AFDN: variants seen among roughly 807,000 people sequenced by gnomAD.
AFDN encodes afadin, adherens junction formation factor.
Under a neutral mutation model 216.6 loss-of-function variants are expected in AFDN, and 68 were observed. That is an observed-to-expected ratio of 0.31 (90% CI 0.26 to 0.38). The LOEUF (loss-of-function observed/expected upper bound fraction) is 0.38. Ranked by LOEUF, AFDN falls within the 10% of genes least tolerant of loss-of-function variation. The probability of loss-of-function intolerance (pLI) is 1.00; values close to 1 mark genes in which losing one functional copy is unlikely to be tolerated. For synonymous variants in AFDN, 868 were observed against 853.7 expected (o/e 1.02, Z -0.29); for missense variants, 2,136 against 2,342.0 (o/e 0.91, Z 1.82).
chr6:167,934,672 G>T (rs1009786454), intron 23 of AFDN, among the ~76,000 whole-genome samples: 7 of 152,040 alleles, frequency 4.6e-5, no homozygotes, highest in Admixed American at 2.6e-4. Flanking sequence ...GATTCATGAT[G>T]ATTTGGCCAG....
intron 1 of AFDN, among the ~76,000 whole-genome samples, chr6:167,831,160 T>C (rs1779790950): frequency 6.6e-6 from 1 of 152,088 alleles, no homozygotes. Context: ...CAGGCTGGTC[T>C]TGAACTCCTG....
Position 167,849,956 on chromosome 6 carries a change from T to C in AFDN, c.106-14595T>C, listed in dbSNP as rs1371564372. 2.6e-5 allele frequency among the ~76,000 whole-genome samples: 4 copies of C among 152,322 alleles called. No individual in the cohort carries two copies. The East Asian group carries it at 7.7e-4, about 29-fold the overall frequency. ...CTCCTTTCAGAAGTCCGTGTGCTGA[T>C]TTACACAGCTTACCTTTTTGTTTTT... On this transcript the variant is annotated intron_variant, in intron 1 of 33. Transcript: ENST00000683244.
chr6:167,933,030 T>C (rs898243704), intron 23 of AFDN, among the ~76,000 whole-genome samples: 1 of 152,208 alleles, frequency 6.6e-6, no homozygotes, highest in Non-Finnish European at 1.5e-5. Flanking sequence ...CTGGGTATAA[T>C]ATGGTGAAGG....
chr6:167,898,497 G>A (rs150068731), intron 11 of AFDN, 30 bp downstream of exon 11: 34 of 1,596,086 alleles, frequency 2.1e-5, no homozygotes, highest in Non-Finnish European at 2.9e-5. Context: ...GATTTAAAAT[G>A]TTTTGATTAT....
chr6:167,972,015 T>C lies in AFDN; in HGVS notation c.*2080T>C, dbSNP rs368970825. ...TGTCTCTTCTTCATTAAACACTTACTGAGTATGATTTCTGTGTCAGGCAGT... is the reference window on the plus strand; with the variant it reads ...TGTCTCTTCTTCATTAAACACTTACCGAGTATGATTTCTGTGTCAGGCAGT... On this transcript the variant is annotated 3_prime_UTR_variant, in exon 34 of 34. Transcript: ENST00000683244. The C allele has an allele frequency of 1.6e-5, 3 of 186,180 alleles. No individual in the cohort carries two copies. The highest frequency in any genetic ancestry group is 7.0e-5 in the African/African-American group (3 of 42,678). 11.5% of individuals were successfully genotyped at this position (186,180 alleles called of 1,614,324 possible).
At chr6:167,934,242 G>A (rs1793695083) in intron 23 of AFDN, among the ~76,000 whole-genome samples, 1 of 152,144 alleles carries the variant, frequency 6.6e-6, no homozygotes, top group South Asian at 2.1e-4. Context: ...TTTATACAAA[G>A]CATAAACGAA....
chr6:167,843,986 G>A (rs2128139146), intron 1 of AFDN, among the ~76,000 whole-genome samples: 1 of 152,070 alleles, frequency 6.6e-6, no homozygotes, highest in East Asian at 1.9e-4. Context: ...TTTATAGCAA[G>A]AGATATGGAG....
intron 23 of AFDN, 47 bp downstream of exon 23, chr6:167,925,138 ATTGAATC>A: frequency 7.4e-7 from 1 of 1,354,814 alleles, no homozygotes; most frequent in Non-Finnish European, 1.1e-6. Flanking sequence ...GTCTTTCGGC[ATTGAATC>A]AGTGGTTGTC....
intron 7 of AFDN, among the ~76,000 whole-genome samples, chr6:167,890,001 CAATT>C (rs1239268492): frequency 1.3e-5 from 2 of 152,216 alleles, no homozygotes; most frequent in Non-Finnish European, 2.9e-5. Flanking sequence ...ACTACTGAAA[CAATT>C]TTCCCTTATT....
rs1333544169 is a variant in AFDN, at chr6:167,951,850, G to T, written c.4496G>T (p.Arg1499Leu). The change falls in exon 30 of 34, where the codon CGC (arginine) becomes CTC (leucine). Residue 1499 changes from arginine to leucine, a missense_variant. Transcript: ENST00000683244. The surrounding 1 kb of genome is among the most constrained non-coding windows in gnomAD (Gnocchi z 7.1). ...QPQQQPRTIE[R>L]RDLQYITVSK... ...CAGCAGCAGCCCCGCACGATCGAGC[G>T]CAGAGACTTGCAGTACATTACAGTC... The T allele has an allele frequency of 9.3e-6, 15 of 1,614,020 alleles. No homozygotes were observed. The highest frequency in any genetic ancestry group is 1.0e-5 in the Non-Finnish European group (12 of 1,180,022).
In AFDN at chr6:167,913,432, T is replaced by A; in HGVS notation, c.2058+9T>A. 3 of 1,535,912 alleles carry A rather than the reference T, an allele frequency of 2.0e-6. No individual in the cohort carries two copies. Among genetic ancestry groups the A allele is most frequent in the Non-Finnish European group, 2.6e-6 (3 of 1,146,734 alleles). On this transcript the variant is annotated intron_variant, in intron 16 of 33. Coordinates refer to ENST00000683244, the MANE Select transcript of AFDN (RefSeq NM_001386888.1). ...TAGACCAGGTTGACCAGGTAGGACA[T>A]CTGCTGGGAGCTGATCCTAGCTGTG...
At chr6:167,952,891 ATTC>A (rs1372714160) in intron 30 of AFDN, among the ~76,000 whole-genome samples, 4 of 152,234 alleles carry the variant, frequency 2.6e-5, no homozygotes, top group African/African-American at 4.8e-5. Context: ...AACTGATTTT[ATTC>A]TTATTTCTCC....
chr6:167,850,250 A>G (rs1782149533), intron 1 of AFDN, among the ~76,000 whole-genome samples: 2 of 151,924 alleles, frequency 1.3e-5, no homozygotes, highest in South Asian at 4.1e-4. Context: ...CTCTGTCCCA[A>G]CCCCCCTCTC....
chr6:167,967,401 A>T (rs1347331255), intron 32 of AFDN, among the ~76,000 whole-genome samples: 2 of 152,178 alleles, frequency 1.3e-5, no homozygotes, highest in African/African-American at 4.8e-5. Flanking sequence ...ATATAATAAT[A>T]TTTAGGTTGA....
At chr6:167,863,173 G>A (rs1397072980) in intron 1 of AFDN, among the ~76,000 whole-genome samples, 1 of 152,192 alleles carries the variant, frequency 6.6e-6, no homozygotes, top group Non-Finnish European at 1.5e-5. Flanking sequence ...AAGGAGAAAT[G>A]CATATTGCAG....
chr6:167,869,371 A>C (rs1251950566), intron 2 of AFDN, among the ~76,000 whole-genome samples: 1 of 152,220 alleles, frequency 6.6e-6, no homozygotes, highest in Non-Finnish European at 1.5e-5. Context: ...AAATTCTGCC[A>C]AATTGTACAC....
In AFDN at chr6:167,907,225, C is replaced by G. The variant is rs146614613; in HGVS notation, c.1705C>G (p.Arg569Gly). 5 of 1,614,040 alleles carry G rather than the reference C, an allele frequency of 3.1e-6. 1 individual carries two copies. The highest frequency in any genetic ancestry group is 4.2e-6 in the Non-Finnish European group (5 of 1,179,986). ...GTCGTCTGCCTCTAGCACAGCCGAGCGGGGAATGGTGAAGCCGATGATCAG... is the reference window on the plus strand; with the variant it reads ...GTCGTCTGCCTCTAGCACAGCCGAGGGGGGAATGGTGAAGCCGATGATCAG... ...RVSSASSTAERGMVKPMIRVE... is the reference protein window; with the variant it reads ...RVSSASSTAEGGMVKPMIRVE... The change falls in exon 13 of 34, where the codon CGG (arginine) becomes GGG (glycine). Residue 569 changes from arginine to glycine, a missense_variant. Transcript: ENST00000683244.
At chr6:167,877,403 T>C (rs1224257181) in intron 5 of AFDN, among the ~76,000 whole-genome samples, 1 of 152,094 alleles carries the variant, frequency 6.6e-6, no homozygotes, top group East Asian at 1.9e-4. Flanking sequence ...TTCAGAAACT[T>C]AAGGGAAAGC....
At chr6:167,906,831 C>G (rs1789751399) in intron 12 of AFDN, among the ~76,000 whole-genome samples, 1 of 152,168 alleles carries the variant, frequency 6.6e-6, no homozygotes, top group African/African-American at 2.4e-5. Flanking sequence ...TATGTCTTAT[C>G]CTGATTTTAA....
Sources: gnomAD v4.1 joint callset for allele counts (sites outside exome capture counted in the v4.1 genomes callset) on GRCh38, gnomAD v4.1.1 for gene constraint, Gnocchi (gnomAD v3.1) non-coding constraint, MANE v1.5 for transcripts, NCBI Gene and HGNC (gene_info 2026-07-23, HGNC 2026-07-21) for gene names.